TPRA1: variants seen among roughly 807,000 people sequenced by gnomAD.
TPRA1 encodes transmembrane protein adipocyte-associated 1.
A neutral mutation model predicts 40.1 loss-of-function variants in TPRA1; 28 were observed. The ratio of observed to expected loss-of-function variants is 0.70; its 90% CI spans 0.52 to 0.96. The LOEUF (loss-of-function observed/expected upper bound fraction) is 0.96, where lower values mean the gene tolerates loss of function less well. Ranked by LOEUF, TPRA1 falls within the 40% of genes least tolerant of loss-of-function variation. TPRA1 has a pLI of 0.00. For synonymous variants in TPRA1, 219 were observed against 209.7 expected, an observed-to-expected ratio of 1.04 and a Z score of -0.38; for missense variants, 441 against 482.6, an observed-to-expected ratio of 0.91 and a Z score of 0.81.
intron 1 of TPRA1, among the ~76,000 whole-genome samples, chr3:127,581,747 T>G (rs1290044909): frequency 6.7e-6 from 1 of 149,134 alleles, no homozygotes; most frequent in African/African-American, 2.5e-5. Flanking sequence ...ACCCCATCTC[T>G]ACTAAAATAC....
At position 127,576,568 on chromosome 3, in the gene TPRA1, G is replaced by A. The variant is rs1322121368; in HGVS notation, c.498+49C>T. 9 of 1,517,324 alleles carry A rather than the reference G, an allele frequency of 5.9e-6. No individual in the cohort carries two copies. Among genetic ancestry groups the A allele is most frequent in the Admixed American group, 5.9e-5 (3 of 51,064 alleles). The allele number at this position is 1,517,324 out of a possible 1,614,324, so 94.0% of individuals were successfully genotyped here. On this transcript the variant is annotated intron_variant, in intron 6 of 10. Transcript: ENST00000355552. This position sits in a 1 kb window ranked among gnomAD's most constrained non-coding sequence, Gnocchi z 4.6. Reference sequence around the variant, plus strand: ...TGACCCAGACCCAGAAGCAGTGGGTGCCTGGTGCCCTGACTCCTAGCGTCC... The same window carrying A: ...TGACCCAGACCCAGAAGCAGTGGGTACCTGGTGCCCTGACTCCTAGCGTCC...
chr3:127,581,484 T>C (rs958845970), intron 1 of TPRA1, among the ~76,000 whole-genome samples: 21 of 151,994 alleles, frequency 1.4e-4, no homozygotes, highest in African/African-American at 4.6e-4. Flanking sequence ...CGCATGGTAA[T>C]TGGGGGAGGC....
In TPRA1 at chr3:127,579,995, G is replaced by A. The variant is rs758539986; in HGVS notation, c.125+27C>T. On this transcript the variant is annotated intron_variant, in intron 2 of 10. Transcript: ENST00000355552. ...AGGAAAAGCCACTGACACTCAGCGA[G>A]CCTGCCCAGCGTTGTGACTGCCTCA... 3.7e-6 allele frequency: 6 copies of A among 1,612,480 alleles called. No homozygotes were observed. The South Asian group carries it at 4.4e-5, about 12-fold the overall frequency.
intron 1 of TPRA1, among the ~76,000 whole-genome samples, chr3:127,596,973 G>C (rs751969048): frequency 6.6e-6 from 1 of 152,052 alleles, no homozygotes; most frequent in East Asian, 1.9e-4. Context: ...AAAATTAACC[G>C]GGCACAATGG....
chr3:127,575,350 G>T (rs1294124957), intron 9 of TPRA1, 53 bp downstream of exon 9: 1 of 1,574,012 alleles, frequency 6.4e-7, no homozygotes, highest in East Asian at 2.4e-5. Flanking sequence ...TGGACACCCT[G>T]CCGCCCACTT....
At chr3:127,586,955 G>A (rs934003321) in intron 1 of TPRA1, among the ~76,000 whole-genome samples, 3 of 152,180 alleles carry the variant, frequency 2.0e-5, no homozygotes, top group Non-Finnish European at 2.9e-5. Flanking sequence ...CTGCCAGTTG[G>A]TAAGAGCACC....
Position 127,573,729 on chromosome 3 carries a change from T to A in TPRA1, c.914A>T (p.Asp305Val). 6.2e-7 allele frequency: 1 copy of A among 1,606,048 alleles called. No individual in the cohort carries two copies. ...AGCGTAGGGCTGGGGTAGGTGTACATCTGGCTCCTCTGTCTCGTCCACTTG... is the reference window on the plus strand; with the variant it reads ...AGCGTAGGGCTGGGGTAGGTGTACAACTGGCTCCTCTGTCTCGTCCACTTG... ...KCQVDETEEP[D>V]VHLPQPYAVA... The change falls in exon 11 of 11, where the codon GAT becomes GTT. Residue 305 changes from aspartate (D) to valine (V), a missense_variant. Coordinates refer to ENST00000355552, the MANE Select transcript of TPRA1 (RefSeq NM_001136053.4).
Position 127,573,570 on chromosome 3 carries a change from C to A in TPRA1, c.1073G>T (p.Gly358Val), listed in dbSNP as rs1286955811. The A allele has an allele frequency of 6.2e-7, 1 of 1,613,302 alleles. No individual in the cohort carries two copies. The highest frequency in any genetic ancestry group is 8.5e-7 in the Non-Finnish European group (1 of 1,179,998). Residue 358 changes from glycine (G) to valine (V), a missense_variant, in exon 11 of 11, where the codon GGC becomes GTC. Coordinates refer to ENST00000355552, the MANE Select transcript of TPRA1 (RefSeq NM_001136053.4). ...DDIASMPCHT[G>V]SINSTDSERW... ...CTCGCTGTCTGTGCTGTTGATGCTG[C>A]CAGTGTGGCAGGGCATGGAAGCGAT...
intron 7 of TPRA1, 24 bp downstream of exon 7, chr3:127,575,916 C>A (rs781022718): frequency 6.2e-7 from 1 of 1,613,252 alleles, no homozygotes; most frequent in Admixed American, 1.7e-5. Context: ...CCAGCCACCC[C>A]AGCTGCCCCA....
At chr3:127,586,752 A>G (rs994426651) in intron 1 of TPRA1, among the ~76,000 whole-genome samples, 2 of 152,218 alleles carry the variant, frequency 1.3e-5, no homozygotes, top group African/African-American at 4.8e-5. Context: ...AATGTCACGC[A>G]GCCCCAAGAC....
In TPRA1 at chr3:127,573,337, G is replaced by T; in HGVS notation, c.*184C>A. 1 of 710,982 alleles carries T rather than the reference G, an allele frequency of 1.4e-6. No homozygotes were observed. Among genetic ancestry groups the T allele is most frequent in the Non-Finnish European group, 2.2e-6 (1 of 446,228 alleles). The allele number at this position is 710,982 out of a possible 1,614,324, so 44.0% of individuals were successfully genotyped here. On this transcript the variant is annotated 3_prime_UTR_variant, in exon 11 of 11. Transcript: ENST00000355552. The stretch of plus-strand genomic sequence containing the variant: ...GGAAGGGGAGGAGGGTCCCCAGTGA[G>T]AGCAGAGATGGCAAAGGGGATTGGG...
chr3:127,575,227 A>C lies in TPRA1; in HGVS notation c.812T>G (p.Phe271Cys). The C allele has an allele frequency of 6.2e-7, 1 of 1,614,074 alleles. No individual in the cohort carries two copies. The highest frequency in any genetic ancestry group is 8.5e-7 in the Non-Finnish European group (1 of 1,179,994). Residue 271 changes from phenylalanine (F) to cysteine (C), a missense_variant, in exon 10 of 11, where the codon TTC becomes TGC. Coordinates refer to ENST00000355552, the MANE Select transcript of TPRA1 (RefSeq NM_001136053.4). ...GAAAGCCACGTAGATGAGCGGAGCG[A>C]AGAAGCTGAAGTACAGGAAGGTTGT... ...DATTFLYFSFFAPLIYVAFLR... is the reference protein window; with the variant it reads ...DATTFLYFSFCAPLIYVAFLR...
At chr3:127,575,642 C>A (rs1252981050) in intron 8 of TPRA1, 107 bp downstream of exon 8, 1 of 1,517,466 alleles carries the variant, frequency 6.6e-7, no homozygotes, top group East Asian at 2.3e-5. Flanking sequence ...CTCTCCAGCT[C>A]CCAGCCTGGA....
chr3:127,580,742 T>C (rs1430758250), intron 1 of TPRA1, among the ~76,000 whole-genome samples: 1 of 152,278 alleles, frequency 6.6e-6, no homozygotes, highest in Non-Finnish European at 1.5e-5. Flanking sequence ...CTGAGCACCA[T>C]GCCCTCCTCG....
chr3:127,587,601 C>T (rs545855581), intron 1 of TPRA1, among the ~76,000 whole-genome samples: 1 of 151,734 alleles, frequency 6.6e-6, no homozygotes, highest in South Asian at 2.1e-4. Context: ...ATAAGGGTGC[C>T]GTAAGGATCA....
intron 1 of TPRA1, chr3:127,597,962 CATG>C (rs2074263352): frequency 5.1e-6 from 1 of 194,586 alleles, no homozygotes. Flanking sequence ...CCCGTGCCAC[CATG>C]CCCAACTAAT....
intron 1 of TPRA1, among the ~76,000 whole-genome samples, chr3:127,595,892 G>A (rs1013202622): frequency 2.0e-5 from 3 of 152,102 alleles, no homozygotes; most frequent in African/African-American, 4.8e-5. Context: ...ATCCTATCAT[G>A]TGAAGAAGCT....
chr3:127,593,048 G>C (rs1027572489), upstream of TPRA1, among the ~76,000 whole-genome samples: 4 of 152,192 alleles, frequency 2.6e-5, no homozygotes, highest in Non-Finnish European at 4.4e-5. Flanking sequence ...GAGACTTGGA[G>C]AATTCTGCAT....
At chr3:127,578,853 AG>A (rs1229106600) in intron 3 of TPRA1, among the ~76,000 whole-genome samples, 36 of 152,298 alleles carry the variant, frequency 2.4e-4, no homozygotes, top group African/African-American at 7.5e-4. Flanking sequence ...GTGGTATCTA[AG>A]GGCCACAGAG....
Sources: allele counts gnomAD v4.1 joint callset (sites outside exome capture counted in the v4.1 genomes callset), GRCh38; gene constraint gnomAD v4.1.1; non-coding constraint Gnocchi (gnomAD v3.1); transcripts MANE v1.5; gene names NCBI Gene and HGNC (gene_info 2026-07-23, HGNC 2026-07-21).